The following TNS1 variants were observed in gnomAD, a reference collection of about 807,000 sequenced individuals.
TNS1 encodes the protein tensin-1.
In TNS1, 62 loss-of-function variants were observed where a neutral mutation model predicts 168.6. The observed-to-expected ratio is 0.37, with a 90% CI of 0.30 to 0.45. The LOEUF (loss-of-function observed/expected upper bound fraction) is 0.45. TNS1 is among the 20% of genes least tolerant of loss of function. The pLI, the probability that TNS1 is intolerant of heterozygous loss-of-function variation, is 1.00. For missense variants in TNS1, 2,240 were observed against 2,339.4 expected, an observed-to-expected ratio of 0.96 and a Z score of 0.88; for synonymous variants, 934 against 933.2, an observed-to-expected ratio of 1.00 and a Z score of -0.02.
intron 3 of TNS1, among the ~76,000 whole-genome samples, chr2:217,960,034 G>A (rs142419974): frequency 3.2e-3 from 486 of 152,192 alleles, no homozygotes; most frequent in Non-Finnish European, 5.8e-3. Flanking sequence ...GCTGCAGAGG[G>A]TCTAGAAGGG....
chr2:217,909,916 G>A (rs968242497), intron 4 of TNS1, among the ~76,000 whole-genome samples: 1 of 152,218 alleles, frequency 6.6e-6, no homozygotes, highest in East Asian at 1.9e-4. Context: ...ATTTTGGGGG[G>A]ATCAAATGCA....
intron 6 of TNS1, chr2:217,903,593 C>T: frequency 6.5e-7 from 1 of 1,536,210 alleles, no homozygotes. Flanking sequence ...AGAACTCTCC[C>T]CATCCTTACC....
chr2:217,914,394 G>T (rs1954768095), intron 4 of TNS1, among the ~76,000 whole-genome samples: 1 of 152,346 alleles, frequency 6.6e-6, no homozygotes, highest in Admixed American at 6.5e-5. Flanking sequence ...CCAAATGACA[G>T]GACCTCAGTG....
chr2:217,859,363 T>G, intron 18 of TNS1: 3 of 417,570 alleles, frequency 7.2e-6, no homozygotes, highest in Non-Finnish European at 8.4e-6. Context: ...TCCCTCTCTC[T>G]CCCCCTTTCC....
chr2:217,900,624 A>G, intron 6 of TNS1, 112 bp from the exon 7 acceptor site: 1 of 1,209,882 alleles, frequency 8.3e-7, no homozygotes, highest in Non-Finnish European at 1.2e-6. Context: ...TTCCTTGCCA[A>G]CATTCTGGCC....
chr2:217,949,686 T>C (rs1957195115), intron 3 of TNS1, among the ~76,000 whole-genome samples: 1 of 151,198 alleles, frequency 6.6e-6, no homozygotes, highest in African/African-American at 2.4e-5. Flanking sequence ...AACATACTTA[T>C]CAGTAACTTA....
chr2:218,014,093 C>T (rs916043878), upstream of TNS1, among the ~76,000 whole-genome samples: 5 of 152,366 alleles, frequency 3.3e-5, no homozygotes, highest in East Asian at 5.8e-4. Context: ...CCCCCTCTGT[C>T]ACAGGCCCTC....
intron 18 of TNS1, chr2:217,859,579 A>G (rs1254305969): frequency 2.1e-6 from 3 of 1,455,676 alleles, no homozygotes; most frequent in Non-Finnish European, 2.8e-6. Flanking sequence ...TGGCTTGGCA[A>G]CTTGACATTT....
intron 18 of TNS1, among the ~76,000 whole-genome samples, chr2:217,858,984 C>T (rs1465922804): frequency 6.7e-6 from 1 of 149,842 alleles, no homozygotes; most frequent in Non-Finnish European, 1.5e-5. Context: ...AGCCCCAGCC[C>T]CTGCTCAACT....
rs1941276899 is a variant in TNS1, at chr2:217,813,149, G to A, written c.4954+66C>T. The A allele has an allele frequency of 1.6e-6, 2 of 1,250,294 alleles. No homozygotes were observed. Among genetic ancestry groups the A allele is most frequent in the South Asian group, 2.6e-5 (2 of 78,332 alleles). The allele number at this position is 1,250,294 out of a possible 1,614,324, so 77.5% of individuals were successfully genotyped here. Reference sequence around the variant, plus strand: ...GAAAGAACTTGGGGTCAGACCCCTGGAGGAACCCAGGACAGGACCAAGACT... The same window carrying A: ...GAAAGAACTTGGGGTCAGACCCCTGAAGGAACCCAGGACAGGACCAAGACT... On this transcript the variant is annotated intron_variant, in intron 27 of 32. Transcript: ENST00000682258. This position sits in a 1 kb window ranked among gnomAD's most constrained non-coding sequence, Gnocchi z 4.0.
At chr2:217,965,774 C>A (rs367856067) in intron 3 of TNS1, among the ~76,000 whole-genome samples, 2 of 152,136 alleles carry the variant, frequency 1.3e-5, no homozygotes, top group Non-Finnish European at 1.5e-5. Flanking sequence ...GCACCACAGA[C>A]CCCCCGAGCT....
At chr2:217,963,006 G>A (rs191223153) in intron 3 of TNS1, among the ~76,000 whole-genome samples, 7 of 152,290 alleles carry the variant, frequency 4.6e-5, no homozygotes, top group Admixed American at 6.5e-5. Context: ...AAGGATATAA[G>A]GAAACTCTGT....
chr2:218,024,517 C>T (rs1958835754), intron 1 of TNS1, among the ~76,000 whole-genome samples: 1 of 152,134 alleles, frequency 6.6e-6, no homozygotes, highest in South Asian at 2.1e-4. Flanking sequence ...AGGCAGGGGA[C>T]AGTCTGGACT....
chr2:218,006,377 G>C (rs796979705), upstream of TNS1, among the ~76,000 whole-genome samples: 1 of 152,174 alleles, frequency 6.6e-6, no homozygotes, highest in African/African-American at 2.4e-5. Flanking sequence ...GCGATGACAC[G>C]AGTTTCCCAG....
intron 3 of TNS1, among the ~76,000 whole-genome samples, chr2:217,933,223 G>T (rs374737336): frequency 1.3e-5 from 2 of 152,300 alleles, no homozygotes; most frequent in South Asian, 4.1e-4. Flanking sequence ...CTGAAACCAG[G>T]TCTGGAGGGG....
chr2:217,898,403 T>C (rs1325596163), intron 7 of TNS1, among the ~76,000 whole-genome samples: 1 of 152,208 alleles, frequency 6.6e-6, no homozygotes, highest in African/African-American at 2.4e-5. Context: ...AAGGAGAGCC[T>C]GCGCTGGGCG....
rs529743118 is a variant in TNS1, at chr2:217,998,575, G to A, written c.33+4265C>T. On this transcript the variant is annotated intron_variant, in intron 1 of 32. Coordinates refer to ENST00000682258, the MANE Select transcript of TNS1 (RefSeq NM_001387777.1). ...GAGTGCAGTGGTGTAATCATAGCTC[G>A]CTATAGCCTTGACCTCCAGGGCTCA... 9.9e-4 allele frequency among the ~76,000 whole-genome samples: 150 copies of A among 152,244 alleles called. 1 individual carries two copies. The highest frequency in any genetic ancestry group is 6.8e-3 in the Middle Eastern group (2 of 294).
intron 1 of TNS1, among the ~76,000 whole-genome samples, chr2:218,023,902 C>CT (rs147069713): frequency 0.012 from 1,836 of 152,280 alleles, 41 homozygotes; most frequent in African/African-American, 0.042. Flanking sequence ...CCCCTACACC[C>CT]TTCCCCAGCT....
chr2:217,869,873 C>T (rs886713975), intron 18 of TNS1, among the ~76,000 whole-genome samples: 4 of 151,932 alleles, frequency 2.6e-5, no homozygotes, highest in African/African-American at 7.3e-5. Context: ...CCAGCCCCTC[C>T]CTTGGCCCCA....
Sources: allele counts gnomAD v4.1 joint callset (sites outside exome capture counted in the v4.1 genomes callset), GRCh38; gene constraint gnomAD v4.1.1; non-coding constraint Gnocchi (gnomAD v3.1); transcripts MANE v1.5; gene names NCBI Gene and HGNC (gene_info 2026-07-23, HGNC 2026-07-21).